Variants in NRG3 observed in about 807,000 individuals in gnomAD.
NRG3 encodes pro-neuregulin-3, membrane-bound isoform.
Under a neutral mutation model 66.9 loss-of-function variants are expected in NRG3, and 31 were observed. That is an observed-to-expected ratio of 0.46 (90% CI 0.35 to 0.63). The LOEUF (loss-of-function observed/expected upper bound fraction) is 0.63. Ranked by LOEUF, NRG3 falls within the 20% of genes least tolerant of loss-of-function variation. NRG3 has a pLI of 0.00. For missense variants in NRG3, 910 were observed against 878.9 expected, an observed-to-expected ratio of 1.04 and a Z score of -0.45; for synonymous variants, 393 against 359.4, an observed-to-expected ratio of 1.09 and a Z score of -1.06.
intron 2 of NRG3, among the ~76,000 whole-genome samples, chr10:82,437,307 T>C (rs2090192463): frequency 6.6e-6 from 1 of 151,762 alleles, no homozygotes; most frequent in African/African-American, 2.4e-5. Context: ...TCTTATATCC[T>C]TTCTTCTGCT....
chr10:81,916,064 A>G (rs1196282901), intron 1 of NRG3, among the ~76,000 whole-genome samples: 1 of 152,210 alleles, frequency 6.6e-6, no homozygotes, highest in Non-Finnish European at 1.5e-5. Flanking sequence ...TTAATGAAAT[A>G]TTTTAAATTC....
chr10:82,950,649 T>C (rs1248961653), intron 4 of NRG3, among the ~76,000 whole-genome samples: 2 of 152,184 alleles, frequency 1.3e-5, no homozygotes, highest in Non-Finnish European at 2.9e-5. Flanking sequence ...ACTGTAGTCA[T>C]GGACCATGGT....
chr10:82,702,112 G>T (rs2055926479), intron 2 of NRG3, among the ~76,000 whole-genome samples: 1 of 152,162 alleles, frequency 6.6e-6, no homozygotes, highest in Non-Finnish European at 1.5e-5. Context: ...AAACAGTGCT[G>T]CTTTGAAGAG....
intron 1 of NRG3, among the ~76,000 whole-genome samples, chr10:82,315,294 G>A (rs1205744171): frequency 6.6e-6 from 1 of 152,182 alleles, no homozygotes; most frequent in Non-Finnish European, 1.5e-5. Flanking sequence ...CCTTTGTGGA[G>A]CCTGAGGCAC....
At chr10:82,241,828 A>G (rs1165546954) in intron 1 of NRG3, among the ~76,000 whole-genome samples, 1 of 152,152 alleles carries the variant, frequency 6.6e-6, no homozygotes, top group Non-Finnish European at 1.5e-5. Flanking sequence ...TGCAATATAC[A>G]TATTTGTCAA....
chr10:82,824,234 T>C (rs1377014342), intron 3 of NRG3, among the ~76,000 whole-genome samples: 1 of 152,256 alleles, frequency 6.6e-6, no homozygotes, highest in Non-Finnish European at 1.5e-5. Flanking sequence ...TGTCAAATAA[T>C]ACTGAATTGC....
chr10:82,944,169 G>A (rs1012072471), intron 4 of NRG3, among the ~76,000 whole-genome samples: 1 of 152,116 alleles, frequency 6.6e-6, no homozygotes, highest in South Asian at 2.1e-4. Context: ...TTTCACTCTT[G>A]ATTTAAACTC....
intron 2 of NRG3, among the ~76,000 whole-genome samples, chr10:82,394,009 A>G (rs930857273): frequency 3.3e-5 from 5 of 152,158 alleles, no homozygotes; most frequent in African/African-American, 1.2e-4. Context: ...ACACACTCCC[A>G]TACAAATCCT....
At chr10:82,503,277 G>A (rs184271101) in intron 2 of NRG3, among the ~76,000 whole-genome samples, 162 of 152,200 alleles carry the variant, frequency 1.1e-3, no homozygotes, top group African/African-American at 3.7e-3. Context: ...CATTTTAGAG[G>A]CATGACCAAA....
intron 1 of NRG3, 109 bp from the exon 2 acceptor site, chr10:82,358,630 G>A: frequency 2.7e-6 from 4 of 1,483,934 alleles, no homozygotes; most frequent in Non-Finnish European, 3.7e-6. Context: ...AGTCCCAGAG[G>A]TCAGAGCCCA....
intron 1 of NRG3, among the ~76,000 whole-genome samples, chr10:81,902,985 A>G (rs1844225824): frequency 6.6e-6 from 1 of 151,866 alleles, no homozygotes; most frequent in African/African-American, 2.4e-5. Flanking sequence ...GACAGGTACT[A>G]TTATCTCCAT....
intron 2 of NRG3, among the ~76,000 whole-genome samples, 172 bp from the exon 3 acceptor site, chr10:82,738,405 G>T (rs1199741569): frequency 6.6e-6 from 1 of 152,158 alleles, no homozygotes; most frequent in Non-Finnish European, 1.5e-5. Flanking sequence ...TTTTGGCAAA[G>T]AAATAGAATT....
At chr10:82,837,022 T>C (rs930361480) in intron 3 of NRG3, among the ~76,000 whole-genome samples, 1 of 152,158 alleles carries the variant, frequency 6.6e-6, no homozygotes, top group Non-Finnish European at 1.5e-5. Flanking sequence ...GATAGTTTGC[T>C]GAGAATGATG....
intron 1 of NRG3, among the ~76,000 whole-genome samples, chr10:82,128,964 A>C (rs1187279989): frequency 6.6e-6 from 1 of 151,970 alleles, no homozygotes; most frequent in Non-Finnish European, 1.5e-5. Flanking sequence ...TCCAGGCTGG[A>C]GTGCAGTGGC....
chr10:82,204,991 A>G (rs2075045564), intron 1 of NRG3, among the ~76,000 whole-genome samples: 1 of 152,202 alleles, frequency 6.6e-6, no homozygotes, highest in Admixed American at 6.5e-5. Flanking sequence ...GGGTTTTCTC[A>G]TAGACTCAGA....
At chr10:82,888,954 CTG>C (rs1418134738) in intron 4 of NRG3, among the ~76,000 whole-genome samples, 2 of 152,040 alleles carry the variant, frequency 1.3e-5, no homozygotes, top group Non-Finnish European at 2.9e-5. Context: ...GCAACTGTGA[CTG>C]GAGCGGAATG....
intron 1 of NRG3, among the ~76,000 whole-genome samples, chr10:82,131,835 GTT>G: frequency 6.6e-6 from 1 of 151,896 alleles, no homozygotes; most frequent in Non-Finnish European, 1.5e-5. Context: ...TTTTCAGATT[GTT>G]TTCTGTTGGC....
chr10:82,395,834 G>T (rs1264111383), intron 2 of NRG3, among the ~76,000 whole-genome samples: 6 of 152,040 alleles, frequency 3.9e-5, no homozygotes, highest in Non-Finnish European at 8.8e-5. Flanking sequence ...ATAAATAGGA[G>T]AAATTATTAT....
intron 1 of NRG3, among the ~76,000 whole-genome samples, chr10:82,011,793 C>G (rs1211245379): frequency 6.6e-6 from 1 of 152,218 alleles, no homozygotes; most frequent in Non-Finnish European, 1.5e-5. Flanking sequence ...CCAAGTCATG[C>G]TGACGGAAGA....
Sources: allele counts gnomAD v4.1 joint callset (sites outside exome capture counted in the v4.1 genomes callset), GRCh38; gene constraint gnomAD v4.1.1; transcripts MANE v1.5; gene names NCBI Gene and HGNC (gene_info 2026-07-23, HGNC 2026-07-21).